The following PECAM1 variants were observed in gnomAD, a reference collection of about 807,000 sequenced individuals.
PECAM1 encodes the protein platelet and endothelial cell adhesion molecule 1.
Under a neutral mutation model 13.8 loss-of-function variants are expected in PECAM1, and 8 were observed. The observed-to-expected ratio is 0.58, with a 90% CI of 0.34 to 1.05. The LOEUF (loss-of-function observed/expected upper bound fraction) is 1.05. PECAM1 is among the 50% of genes least tolerant of loss of function. The pLI is 0.03. For synonymous variants in PECAM1, 136 were observed against 52.6 expected (o/e 2.58, Z -6.86); for missense variants, 304 against 141.2 (o/e 2.15, Z -5.84).
chr17:64,327,600 C>T (rs1461109197), intron 15 of PECAM1, among the ~76,000 whole-genome samples: 1 of 152,242 alleles, frequency 6.6e-6, no homozygotes, highest in Non-Finnish European at 1.5e-5. Flanking sequence ...GATCCCAAGA[C>T]TCTCACAAGT....
At position 64,350,426 on chromosome 17, in the gene PECAM1, A is replaced by C. The variant is rs2035692092; in HGVS notation, c.1998T>G (p.Asn666Lys). ...TCATTGCATGGTTTCTGACATCGTC[A>C]TTGTGACCTAGTTGAAAAATAACAA... is the stretch of plus-strand genomic sequence containing the variant. ...NMEANSHYGH[N>K]DDVRNHAMKP... The change falls in exon 12 of 16, where the codon AAT becomes AAG. Residue 666 changes from asparagine to lysine, a missense_variant. Asn to Lys is a moderately conservative substitution (Grantham distance 94). Coordinates refer to ENST00000563924, the MANE Select transcript of PECAM1 (RefSeq NM_000442.5). 2.3e-6 allele frequency: 1 copy of C among 430,550 alleles called. No individual in the cohort carries two copies. Among genetic ancestry groups the C allele is most frequent in the Non-Finnish European group, 4.3e-6 (1 of 234,558 alleles). 26.7% of individuals were successfully genotyped at this position (430,550 alleles called of 1,614,324 possible). A position where few individuals can be genotyped will look rare whatever the true frequency, so the allele number is the denominator to read the frequency against.
intron 15 of PECAM1, among the ~76,000 whole-genome samples, chr17:64,326,524 C>T (rs1320636258): frequency 1.3e-5 from 2 of 152,176 alleles, no homozygotes; most frequent in African/African-American, 4.8e-5. Context: ...CTGCCAGCGC[C>T]GGCAGCCACC....
At chr17:64,386,760 C>T (rs1229165389) in intron 2 of PECAM1, among the ~76,000 whole-genome samples, 2 of 152,066 alleles carry the variant, frequency 1.3e-5, no homozygotes, top group African/African-American at 4.8e-5. Flanking sequence ...AATGAGACCC[C>T]AGTCTCTACA....
Position 64,322,117 on chromosome 17 carries a change from C to G in PECAM1, c.*1699G>C. The G allele has an allele frequency of 9.2e-7, 1 of 1,089,368 alleles. No homozygotes were observed. The allele number at this position is 1,089,368 out of a possible 1,614,324, so 67.5% of individuals were successfully genotyped here. The stretch of plus-strand genomic sequence containing the variant: ...GGGCATGGTGGCTCACGCCTGCAAT[C>G]CCAACCCAAAGGCCTGTGGAGCACA... On this transcript the variant is annotated 3_prime_UTR_variant, in exon 16 of 16. Transcript: ENST00000563924.
rs2036398319 is a variant in PECAM1, at chr17:64,377,876, C to T, written c.333G>A (p.Val111=). 4.2e-6 allele frequency: 2 copies of T among 475,152 alleles called. No homozygotes were observed. Among genetic ancestry groups the T allele is most frequent in the Non-Finnish European group, 7.7e-6 (2 of 259,054 alleles). 29.4% of individuals were successfully genotyped at this position (475,152 alleles called of 1,614,324 possible). A position where few individuals can be genotyped will look rare whatever the true frequency, so the allele number is the denominator to read the frequency against. ...TGGTTTTCTCTTTGTTGTTCACAAT[C>T]ACAGTACATTTATATGTCCCTGAGT... is the stretch of plus-strand genomic sequence containing the variant. The part of the protein sequence containing the change: ...IYDSGTYKCT[V]IVNNKEKTTA... Residue 111 remains valine (V), a synonymous_variant, in exon 3 of 16, where the codon GTG becomes GTA. Coordinates refer to ENST00000563924, the MANE Select transcript of PECAM1 (RefSeq NM_000442.5).
chr17:64,390,536 A>T (rs908155281), intron 1 of PECAM1, 21 bp from the exon 2 acceptor site: 1 of 474,272 alleles, frequency 2.1e-6, no homozygotes, highest in Non-Finnish European at 3.9e-6. Flanking sequence ...CATAAGAAAC[A>T]TGTTGATTCC....
At chr17:64,327,678 C>G (rs1555645940) in intron 15 of PECAM1, among the ~76,000 whole-genome samples, 2 of 152,192 alleles carry the variant, frequency 1.3e-5, no homozygotes, top group East Asian at 3.8e-4. Flanking sequence ...GTCGGCCACA[C>G]ACACAATTTA....
Position 64,333,014 on chromosome 17 carries a change from G to A in PECAM1, c.2165-3292C>T, listed in dbSNP as rs186655576. On this transcript the variant is annotated intron_variant, in intron 14 of 15. Coordinates refer to ENST00000563924, the MANE Select transcript of PECAM1 (RefSeq NM_000442.5). ...CTAAAAATACAAAAATTAGCTGGGC[G>A]TGGTGGTGCATGCCTCCAATCCCAG... 4.5e-3 allele frequency among the ~76,000 whole-genome samples: 679 copies of A among 152,276 alleles called. 6 individuals carry two copies. Among genetic ancestry groups the A allele is most frequent in the African/African-American group, 0.015 (617 of 41,556 alleles).
chr17:64,366,795 A>C (rs1444049405), intron 5 of PECAM1, among the ~76,000 whole-genome samples: 2 of 124,640 alleles, frequency 1.6e-5, no homozygotes, highest in African/African-American at 6.3e-5. Context: ...GGACACAGGA[A>C]GGGGAACATC....
At chr17:64,390,154 T>C (rs2036685483) in intron 2 of PECAM1, 2 of 310,774 alleles carry the variant, frequency 6.4e-6, no homozygotes, top group Non-Finnish European at 1.2e-5. Flanking sequence ...CAACCTAATA[T>C]ATTTTTAGAC....
intron 3 of PECAM1, among the ~76,000 whole-genome samples, chr17:64,377,005 G>A (rs909425363): frequency 2.2e-4 from 34 of 152,066 alleles, no homozygotes; most frequent in African/African-American, 8.2e-4. Context: ...CTATTTATTA[G>A]GAACTCACTA....
intron 13 of PECAM1, among the ~76,000 whole-genome samples, chr17:64,343,365 A>C (rs2035482409): frequency 6.6e-6 from 1 of 151,820 alleles, no homozygotes; most frequent in Non-Finnish European, 1.5e-5. Context: ...CAACACACCC[A>C]CACTCACTCT....
intron 3 of PECAM1, among the ~76,000 whole-genome samples, chr17:64,376,173 C>T (rs2036353841): frequency 6.6e-6 from 1 of 151,656 alleles, no homozygotes; most frequent in African/African-American, 2.4e-5. Context: ...GGCATGGTGG[C>T]AGGCACCTGT....
chr17:64,357,725 T>C (rs1245260781), intron 7 of PECAM1, among the ~76,000 whole-genome samples: 1 of 152,228 alleles, frequency 6.6e-6, no homozygotes, highest in Non-Finnish European at 1.5e-5. Context: ...TCTGTGGTTA[T>C]TGTGAGTTTC....
intron 5 of PECAM1, among the ~76,000 whole-genome samples, chr17:64,364,870 G>A (rs1250110564): frequency 6.7e-6 from 1 of 149,262 alleles, no homozygotes; most frequent in African/African-American, 2.4e-5. Context: ...ATATCATACT[G>A]AATGGGCAAA....
chr17:64,333,085 G>A (rs1000741256), intron 14 of PECAM1, among the ~76,000 whole-genome samples: 5 of 152,188 alleles, frequency 3.3e-5, no homozygotes, highest in Non-Finnish European at 5.9e-5. Context: ...CCCAGGAGGC[G>A]ATTGTTGCAG....
intron 2 of PECAM1, among the ~76,000 whole-genome samples, chr17:64,384,531 G>A (rs1429319144): frequency 6.6e-6 from 1 of 152,152 alleles, no homozygotes; most frequent in Non-Finnish European, 1.5e-5. Context: ...TCCTGTCTGG[G>A]ATCCCTCATT....
intron 12 of PECAM1, among the ~76,000 whole-genome samples, chr17:64,349,820 G>T (rs955628506): frequency 6.6e-6 from 1 of 151,966 alleles, no homozygotes; most frequent in East Asian, 1.9e-4. Flanking sequence ...GGGAGGTGGA[G>T]GTTGCAGTGA....
At chr17:64,333,100 C>T (rs1414363436) in intron 14 of PECAM1, among the ~76,000 whole-genome samples, 2 of 152,202 alleles carry the variant, frequency 1.3e-5, no homozygotes, top group African/African-American at 2.4e-5. Context: ...TTGCAGTGAA[C>T]CAAGATCGTG....
Sources: gnomAD v4.1 joint callset for allele counts (sites outside exome capture counted in the v4.1 genomes callset) on GRCh38, gnomAD v4.1.1 for gene constraint, MANE v1.5 for transcripts, NCBI Gene and HGNC (gene_info 2026-07-23, HGNC 2026-07-21) for gene names.